BRD4: variants seen among roughly 807,000 people sequenced by gnomAD.
BRD4 encodes the protein bromodomain-containing protein 4.
BRD4 carries 16 observed loss-of-function variants against 142.1 expected under a neutral mutation model. That is an observed-to-expected ratio of 0.11 (90% CI 0.08 to 0.17). The LOEUF is 0.17. Ranked by LOEUF, BRD4 falls within the 10% of genes least tolerant of loss-of-function variation. The pLI is 1.00. For missense variants in BRD4, 1,424 were observed against 1,810.9 expected (o/e 0.79, Z 3.88); for synonymous variants, 833 against 707.5 (o/e 1.18, Z -2.82).
intron 1 of BRD4, among the ~76,000 whole-genome samples, chr19:15,277,477 G>A (rs528886772): frequency 6.6e-6 from 1 of 152,254 alleles, no homozygotes; most frequent in Admixed American, 6.5e-5. Flanking sequence ...TGATCAGCAA[G>A]TTGCTGTAAT....
intron 7 of BRD4, among the ~76,000 whole-genome samples, chr19:15,261,481 CA>C (rs1022955991): frequency 1.3e-4 from 18 of 141,758 alleles, no homozygotes; most frequent in Admixed American, 1.4e-4. Context: ...GACTCCATCT[CA>C]AAAAAAAAAG....
At chr19:15,307,582 T>G (rs957099436) in intron 1 of BRD4, among the ~76,000 whole-genome samples, 2 of 152,168 alleles carry the variant, frequency 1.3e-5, no homozygotes, top group Non-Finnish European at 2.9e-5. Flanking sequence ...AATGCAACAC[T>G]GAGTCTATCT....
At chr19:15,266,793 C>T (rs1476137742) in intron 4 of BRD4, among the ~76,000 whole-genome samples, 2 of 152,216 alleles carry the variant, frequency 1.3e-5, no homozygotes, top group East Asian at 3.8e-4. Context: ...CACCCTTCTG[C>T]AGCATGGAGT....
chr19:15,319,810 C>A (rs1337298778), intron 1 of BRD4, among the ~76,000 whole-genome samples: 1 of 152,008 alleles, frequency 6.6e-6, no homozygotes, highest in Admixed American at 6.6e-5. Context: ...GTGGCCCACA[C>A]CTGTAGCCCA....
At chr19:15,297,372 T>C (rs926972799) in intron 1 of BRD4, among the ~76,000 whole-genome samples, 1 of 152,212 alleles carries the variant, frequency 6.6e-6, no homozygotes, top group Non-Finnish European at 1.5e-5. Flanking sequence ...AGATGGACTA[T>C]ACTGCTGCTC....
chr19:15,251,441 G>T (rs953351294), intron 11 of BRD4, among the ~76,000 whole-genome samples: 1 of 58,028 alleles, frequency 1.7e-5, no homozygotes, highest in Non-Finnish European at 4.1e-5. Flanking sequence ...ACAAGAACGG[G>T]GGGGGGGGGG....
chr19:15,252,483 A>G (rs1264441609), intron 11 of BRD4, among the ~76,000 whole-genome samples: 3 of 152,314 alleles, frequency 2.0e-5, no homozygotes, highest in South Asian at 4.2e-4. Context: ...TGGAAAGTGA[A>G]AAGTCAGCGG....
At chr19:15,240,319 G>A (rs2047228548) in intron 14 of BRD4, among the ~76,000 whole-genome samples, 1 of 152,164 alleles carries the variant, frequency 6.6e-6, no homozygotes, top group Non-Finnish European at 1.5e-5. Flanking sequence ...CCTGGTGTTT[G>A]ACCCTCCTGT....
intron 1 of BRD4, among the ~76,000 whole-genome samples, chr19:15,288,286 C>T (rs2047755283): frequency 6.6e-6 from 1 of 152,124 alleles, no homozygotes; most frequent in Non-Finnish European, 1.5e-5. Context: ...ACATCTGCAA[C>T]TTATTAAAAG....
chr19:15,329,887 T>G (rs2048142176), intron 1 of BRD4, among the ~76,000 whole-genome samples: 1 of 152,214 alleles, frequency 6.6e-6, no homozygotes, highest in Non-Finnish European at 1.5e-5. Flanking sequence ...TCACAACAAC[T>G]GGCTCAAAAA....
chr19:15,267,464 T>A lies in BRD4; in HGVS notation c.511A>T (p.Ile171Phe), dbSNP rs916533832. The A allele has an allele frequency of 6.2e-7, 1 of 1,614,224 alleles. No homozygotes were observed. Among genetic ancestry groups the A allele is most frequent in the Non-Finnish European group, 8.5e-7 (1 of 1,180,032 alleles). Reference sequence around the variant, plus strand: ...CTTCCTTTTGCCTGGACTATCATGATCTCGGTTTCTTCTGTGGGTAGCTCA... The same window carrying A: ...CTTCCTTTTGCCTGGACTATCATGAACTCGGTTTCTTCTGTGGGTAGCTCA... Reference protein sequence around the residue: ...INELPTEETEIMIVQAKGRGR... With the variant: ...INELPTEETEFMIVQAKGRGR... Residue 171 changes from isoleucine (I) to phenylalanine (F), a missense_variant, in exon 4 of 20, where the codon ATC (isoleucine) becomes TTC (phenylalanine). This residue lies in a region of BRD4 where 55 missense variants were observed against 160.7 expected (regional missense o/e 0.34). Transcript: ENST00000679869.
intron 7 of BRD4, among the ~76,000 whole-genome samples, chr19:15,258,360 G>A (rs957777833): frequency 6.6e-6 from 1 of 152,144 alleles, no homozygotes; most frequent in Non-Finnish European, 1.5e-5. Flanking sequence ...TCTTCACCCA[G>A]GCTGGAGTGC....
In BRD4 at chr19:15,256,246, C is replaced by T; in HGVS notation, c.1569G>A (p.Glu523=). Residue 523 remains glutamate, a synonymous_variant, in exon 9 of 20, where the codon GAG becomes GAA. Transcript: ENST00000679869. ...ELQEQLKAVH[E]QLAALSQPQQ... ...GGGGCTGAGAGAGGGCTGCAAGCTG[C>T]TCGTGCACGGCTTTGAGCTGTAGAC... 1.2e-6 allele frequency: 2 copies of T among 1,612,820 alleles called. No homozygotes were observed. The highest frequency in any genetic ancestry group is 2.2e-5 in the East Asian group (1 of 44,884).
At chr19:15,298,478 C>A in intron 1 of BRD4, among the ~76,000 whole-genome samples, 1 of 151,576 alleles carries the variant, frequency 6.6e-6, no homozygotes, top group African/African-American at 2.4e-5. Flanking sequence ...AAAATTAGCC[C>A]GGCACGGTGG....
chr19:15,249,886 A>T (rs1245316099), intron 11 of BRD4, among the ~76,000 whole-genome samples: 1 of 152,224 alleles, frequency 6.6e-6, no homozygotes, highest in Non-Finnish European at 1.5e-5. Context: ...CAAAAAGCTC[A>T]AACTCTAAAA....
At chr19:15,253,797 C>T in intron 11 of BRD4, 4 of 1,589,828 alleles carry the variant, frequency 2.5e-6, no homozygotes, top group Non-Finnish European at 3.4e-6. Flanking sequence ...GGTGTGGTCA[C>T]ATCAAGGTCA....
At chr19:15,254,754 G>A (rs1157638684) in intron 10 of BRD4, among the ~76,000 whole-genome samples, 2 of 152,118 alleles carry the variant, frequency 1.3e-5, no homozygotes, top group African/African-American at 4.8e-5. Flanking sequence ...AGGACCCCAG[G>A]AGCTAGTCAG....
chr19:15,287,043 C>A (rs1012871361), intron 1 of BRD4, among the ~76,000 whole-genome samples: 1 of 152,152 alleles, frequency 6.6e-6, no homozygotes, highest in South Asian at 2.1e-4. Context: ...ACCCACAGAT[C>A]CACCTGTGCT....
intron 1 of BRD4, among the ~76,000 whole-genome samples, chr19:15,324,913 C>T (rs2048094266): frequency 6.6e-6 from 1 of 152,192 alleles, no homozygotes; most frequent in Non-Finnish European, 1.5e-5. Flanking sequence ...CTTTCAAGCA[C>T]CTCTTCCACT....
Sources: gnomAD v4.1 joint callset for allele counts (sites outside exome capture counted in the v4.1 genomes callset) on GRCh38, gnomAD v4.1.1 for gene constraint, gnomAD v4.1.1 regional missense constraint, MANE v1.5 for transcripts, NCBI Gene and HGNC (gene_info 2026-07-23, HGNC 2026-07-21) for gene names.